The following DLC1 variants were observed in gnomAD, a reference collection of about 807,000 sequenced individuals.
The protein encoded by DLC1 is rho GTPase-activating protein 7.
DLC1 carries 54 observed loss-of-function variants against 140.3 expected under a neutral mutation model. The observed-to-expected ratio is 0.38, with a 90% CI of 0.31 to 0.48. DLC1 has a LOEUF of 0.48. Ranked by LOEUF, DLC1 falls within the 20% of genes least tolerant of loss-of-function variation. The pLI, the probability that DLC1 is intolerant of heterozygous loss-of-function variation, is 0.96. For missense variants in DLC1, 2,536 were observed against 1,907.0 expected, an observed-to-expected ratio of 1.33 and a Z score of -6.14; for synonymous variants, 986 against 728.1, an observed-to-expected ratio of 1.35 and a Z score of -5.70.
intron 2 of DLC1, among the ~76,000 whole-genome samples, chr8:13,475,838 T>G (rs1800411804): frequency 6.6e-6 from 1 of 152,206 alleles, no homozygotes; most frequent in Non-Finnish European, 1.5e-5. Context: ...GCATGCCATC[T>G]TGGAAAACTA....
Position 13,382,767 on chromosome 8 carries a change from C to T in DLC1, c.1314+10786G>A, listed in dbSNP as rs1056045096. ...ATGATACTTCAGAGAACTATTCAGG[C>T]AGTTCTAAGTCCTCTAGAATTTTTG... is the stretch of plus-strand genomic sequence containing the variant. On this transcript the variant is annotated intron_variant, in intron 4 of 17. Coordinates refer to ENST00000276297, the MANE Select transcript of DLC1 (RefSeq NM_182643.3). Among the ~76,000 whole-genome samples, 4 of 152,094 alleles carry T rather than the reference C, an allele frequency of 2.6e-5. No homozygotes were observed. The East Asian group carries it at 7.7e-4, about 29-fold the overall frequency.
Position 13,231,008 on chromosome 8 carries a change from C to T in DLC1, c.1348+74261G>A, listed in dbSNP as rs143048487. Among the ~76,000 whole-genome samples the T allele has an allele frequency of 2.0e-3, 301 of 152,088 alleles. 1 individual carries two copies. Among genetic ancestry groups the T allele is most frequent in the African/African-American group, 6.7e-3 (278 of 41,500 alleles). On this transcript the variant is annotated intron_variant, in intron 5 of 17. Transcript: ENST00000276297. ...ACTTGTGGTGTGGAGAAGGGAATGG[C>T]GGGTAACTGTGTCACACACCTGTAT...
intron 5 of DLC1, chr8:13,304,665 G>A: frequency 1.4e-5 from 13 of 943,690 alleles, no homozygotes; most frequent in Non-Finnish European, 1.6e-5. Flanking sequence ...GAACACATAA[G>A]ATAGTATGAT....
intron 4 of DLC1, among the ~76,000 whole-genome samples, chr8:13,334,288 C>G (rs1833727369): frequency 6.6e-6 from 1 of 151,980 alleles, no homozygotes. Context: ...AGGACAGAGA[C>G]AAGGCTAGTG....
intron 5 of DLC1, among the ~76,000 whole-genome samples, chr8:13,139,569 A>G (rs377609103): frequency 1.3e-5 from 2 of 152,216 alleles, no homozygotes; most frequent in Admixed American, 1.3e-4. Context: ...GCTTGGACGT[A>G]CTGAATTCTT....
In DLC1 at chr8:13,594,384, C is replaced by T. The variant is rs189227728; in HGVS notation, c.-126+10153G>A. On this transcript the variant is annotated intron_variant, in intron 1 of 1. Coordinates refer to the DLC1 transcript ENST00000631382. ...TTTCTGTAAATGTTGTTTCTATGGCCATTGTTTTGATTGATTTTTGTGAGG... is the reference window on the plus strand; with the variant it reads ...TTTCTGTAAATGTTGTTTCTATGGCTATTGTTTTGATTGATTTTTGTGAGG... 2.1e-4 allele frequency among the ~76,000 whole-genome samples: 32 copies of T among 152,046 alleles called. 1 individual carries two copies. In the East Asian group the frequency reaches 5.6e-3, roughly 27 times the overall value.
chr8:13,475,830 A>G (rs1351657515), intron 2 of DLC1, among the ~76,000 whole-genome samples: 1 of 152,248 alleles, frequency 6.6e-6, no homozygotes, highest in Non-Finnish European at 1.5e-5. Flanking sequence ...GAGACTATGC[A>G]TGCCATCTTG....
intron 5 of DLC1, among the ~76,000 whole-genome samples, chr8:13,139,519 C>T (rs1359465191): frequency 6.6e-6 from 1 of 152,128 alleles, no homozygotes; most frequent in African/African-American, 2.4e-5. Flanking sequence ...TTGGTGGAGA[C>T]AGCTCTGTTA....
rs568332052 is a variant in DLC1 at position 13,180,181 on chromosome 8, G to C, written c.1349-64524C>G. ...AAAGGAAGCAGACTTACTGTCTTTA[G>C]TGCAGTCAAACTACTTGTTCCCTGC... On this transcript the variant is annotated intron_variant, in intron 5 of 17. Transcript: ENST00000276297. 2.6e-5 allele frequency among the ~76,000 whole-genome samples: 4 copies of C among 152,258 alleles called. No individual in the cohort carries two copies. The South Asian group carries it at 8.3e-4, about 32-fold the overall frequency.
intron 2 of DLC1, among the ~76,000 whole-genome samples, chr8:13,425,739 C>T (rs1838544548): frequency 6.6e-6 from 1 of 152,192 alleles, no homozygotes. Flanking sequence ...CCAACTTCCT[C>T]CTCCCCACTA....
At chr8:13,127,071 C>G (rs531913890) in intron 5 of DLC1, among the ~76,000 whole-genome samples, 1 of 152,320 alleles carries the variant, frequency 6.6e-6, no homozygotes, top group African/African-American at 2.4e-5. Flanking sequence ...AAACACTATT[C>G]AACTAGACGT....
chr8:13,265,391 T>C (rs1427299299), intron 5 of DLC1, among the ~76,000 whole-genome samples: 5 of 152,100 alleles, frequency 3.3e-5, no homozygotes, highest in Admixed American at 1.3e-4. Flanking sequence ...GGAGTATGTG[T>C]GGGTAGGTGG....
chr8:13,388,738 A>G (rs1001529385), intron 4 of DLC1, among the ~76,000 whole-genome samples: 1 of 152,018 alleles, frequency 6.6e-6, no homozygotes, highest in Non-Finnish European at 1.5e-5. Context: ...TTTTATATGT[A>G]TACATATATA....
At chr8:13,226,208 C>T (rs953567530) in intron 5 of DLC1, among the ~76,000 whole-genome samples, 24 of 152,052 alleles carry the variant, frequency 1.6e-4, no homozygotes, top group Non-Finnish European at 4.4e-5. Flanking sequence ...GCCACTATGC[C>T]CAGCCTGATT....
chr8:13,555,326 A>T (rs919595455), intron 1 of DLC1, among the ~76,000 whole-genome samples: 1 of 151,728 alleles, frequency 6.6e-6, no homozygotes, highest in Non-Finnish European at 1.5e-5. Flanking sequence ...CCTTTCTTGT[A>T]TGTTTTTTTT....
At chr8:13,571,697 G>C (rs1249797357) in intron 1 of DLC1, among the ~76,000 whole-genome samples, 1 of 152,192 alleles carries the variant, frequency 6.6e-6, no homozygotes, top group African/African-American at 2.4e-5. Context: ...TTGTGCACCT[G>C]CTTTCGATTC....
intron 4 of DLC1, among the ~76,000 whole-genome samples, chr8:13,364,506 A>T (rs1835390071): frequency 6.6e-6 from 1 of 152,120 alleles, no homozygotes; most frequent in African/African-American, 2.4e-5. Context: ...CATGTTGCTC[A>T]GGCTGGTCTC....
At chr8:13,553,203 CATATAT>C (rs1201746846) in intron 1 of DLC1, among the ~76,000 whole-genome samples, 2 of 68,022 alleles carry the variant, frequency 2.9e-5, no homozygotes, top group Non-Finnish European at 5.6e-5. Context: ...TGCCAGCTGT[CATATAT>C]ATATATATAT....
At chr8:13,306,850 G>A (rs536132083) in intron 4 of DLC1, among the ~76,000 whole-genome samples, 7 of 151,874 alleles carry the variant, frequency 4.6e-5, no homozygotes, top group African/African-American at 1.2e-4. Context: ...TTGGGAGGCC[G>A]AGGCGGGTGG....
Sources: allele counts gnomAD v4.1 joint callset (sites outside exome capture counted in the v4.1 genomes callset), GRCh38; gene constraint gnomAD v4.1.1; transcripts MANE v1.5; gene names NCBI Gene and HGNC (gene_info 2026-07-23, HGNC 2026-07-21).